Variants in RAVER2 observed in about 807,000 individuals in gnomAD.
RAVER2 encodes ribonucleoprotein PTB-binding 2.
Under a neutral mutation model 78.1 loss-of-function variants are expected in RAVER2, and 46 were observed. That is an observed-to-expected ratio of 0.59 (90% confidence interval 0.46 to 0.75). The LOEUF is 0.75. Ranked by LOEUF, RAVER2 falls within the 30% of genes least tolerant of loss-of-function variation. The pLI is 0.00. For missense variants in RAVER2, 793 were observed against 837.5 expected (o/e 0.95, Z 0.66); for synonymous variants, 311 against 313.3 (o/e 0.99, Z 0.08).
At chr1:64,755,213 C>T (rs1651818031) in intron 1 of RAVER2, among the ~76,000 whole-genome samples, 2 of 152,008 alleles carry the variant, frequency 1.3e-5, no homozygotes, top group Non-Finnish European at 2.9e-5. Flanking sequence ...CAATAAGTAT[C>T]CTGATTTCTT....
intron 2 of RAVER2, 100 bp downstream of exon 2, chr1:64,768,822 G>A: frequency 1.3e-6 from 1 of 749,258 alleles, no homozygotes; most frequent in African/African-American, 1.8e-5. Context: ...AGCTAATCAT[G>A]GAATTTTTAA....
At chr1:64,769,976 T>C (rs1183072014) in intron 2 of RAVER2, among the ~76,000 whole-genome samples, 1 of 152,042 alleles carries the variant, frequency 6.6e-6, no homozygotes, top group Admixed American at 6.6e-5. Flanking sequence ...CAACATTGTT[T>C]TTCAGATCTT....
chr1:64,745,912 G>A lies in RAVER2; in HGVS notation c.249+491G>A, dbSNP rs1194494504. On this transcript the variant is annotated intron_variant, in intron 1 of 11. Coordinates refer to ENST00000294428, the Ensembl canonical transcript of RAVER2. The surrounding 1 kb of genome is among the most constrained non-coding windows in gnomAD (Gnocchi z 4.3). ...AGAGCTGGGAGTGAGTTTCGCTGTT[G>A]TTGCAGAAGCACTTGCCCAAGTTTC... Among the ~76,000 whole-genome samples the A allele has an allele frequency of 6.6e-6, 1 of 152,202 alleles. No homozygotes were observed. The highest frequency in any genetic ancestry group is 1.5e-5 in the Non-Finnish European group (1 of 68,042).
At chr1:64,821,808 A>G (rs888578968) in intron 11 of RAVER2, among the ~76,000 whole-genome samples, 3 of 152,178 alleles carry the variant, frequency 2.0e-5, no homozygotes, top group Admixed American at 6.5e-5. Context: ...ACAAAATTAT[A>G]AAAACCCTGG....
chr1:64,823,437 T>C (rs1354812673), intron 11 of RAVER2, among the ~76,000 whole-genome samples: 1 of 152,212 alleles, frequency 6.6e-6, no homozygotes, highest in Non-Finnish European at 1.5e-5. Flanking sequence ...AAATAAATTA[T>C]TTAAAAATTT....
intron 9 of RAVER2, among the ~76,000 whole-genome samples, chr1:64,808,034 G>A (rs1653493346): frequency 1.3e-5 from 2 of 151,944 alleles, no homozygotes; most frequent in Non-Finnish European, 2.9e-5. Flanking sequence ...TATATATTTG[G>A]TAGCTAATTA....
chr1:64,809,489 A>AAAATAAATAAATAAATAAATAAATAAAT (rs10691863), intron 9 of RAVER2, among the ~76,000 whole-genome samples: 3 of 147,358 alleles, frequency 2.0e-5, no homozygotes, highest in Non-Finnish European at 4.5e-5. Flanking sequence ...CTCTAGTGCA[A>AAAATAAATAAATAAATAAATAAATAAAT]AAATAAATAA....
intron 5 of RAVER2, among the ~76,000 whole-genome samples, chr1:64,791,223 A>G (rs962339371): frequency 2.0e-5 from 3 of 152,136 alleles, no homozygotes; most frequent in African/African-American, 7.2e-5. Flanking sequence ...ATGTTTTCCA[A>G]CTGGGGATCT....
exon 8 of RAVER2, chr1:64,805,012 C>T: frequency 6.2e-7 from 1 of 1,613,782 alleles, no homozygotes; most frequent in South Asian, 1.1e-5. Context: ...ACTTGGAGAG[C>T]CCCCAGCTGT....
At chr1:64,831,843 T>A (rs886626259) in exon 12 of RAVER2, 1 of 152,234 alleles carries the variant, frequency 6.6e-6, no homozygotes, top group Non-Finnish European at 1.5e-5. Flanking sequence ...TATTGGGACG[T>A]TGCCATGCTC....
chr1:64,775,394 T>A (rs569385705), intron 2 of RAVER2, among the ~76,000 whole-genome samples: 1 of 152,202 alleles, frequency 6.6e-6, no homozygotes, highest in Non-Finnish European at 1.5e-5. Flanking sequence ...CCTATTAGAT[T>A]GTGAGCTCTG....
intron 4 of RAVER2, among the ~76,000 whole-genome samples, chr1:64,788,200 C>T (rs570842118): frequency 2.0e-5 from 3 of 152,072 alleles, no homozygotes; most frequent in Non-Finnish European, 4.4e-5. Context: ...GGGCTGGGCA[C>T]GGTGGCTTAT....
At chr1:64,811,128 C>CA (rs1242335238) in intron 9 of RAVER2, among the ~76,000 whole-genome samples, 3 of 152,060 alleles carry the variant, frequency 2.0e-5, no homozygotes, top group Admixed American at 6.5e-5. Flanking sequence ...CATTCACAGT[C>CA]AAAAGAAACG....
chr1:64,745,260 G>A lies in RAVER2; in HGVS notation c.88G>A (p.Gly30Arg). The A allele has an allele frequency of 7.9e-7, 1 of 1,260,852 alleles. No individual in the cohort carries two copies. The highest frequency in any genetic ancestry group is 1.0e-6 in the Non-Finnish European group (1 of 995,068). 78.1% of individuals were successfully genotyped at this position (1,260,852 alleles called of 1,614,324 possible). Residue 30 changes from glycine (G) to arginine (R), a missense_variant, in exon 1 of 12, where the codon GGG becomes AGG. By Grantham distance (125) the Gly-to-Arg change is moderately radical. Coordinates refer to ENST00000294428, the Ensembl canonical transcript of RAVER2. This position sits in a 1 kb window ranked among gnomAD's most constrained non-coding sequence, Gnocchi z 4.3. The stretch of plus-strand genomic sequence containing the variant: ...GCTGGGGCCGGGGCCGGGGCTGCGC[G>A]GGCAGGGCCCCTCAGCCGAAGCGCA...
At chr1:64,748,897 G>A (rs953813938) in intron 1 of RAVER2, among the ~76,000 whole-genome samples, 1 of 152,144 alleles carries the variant, frequency 6.6e-6, no homozygotes, top group Non-Finnish European at 1.5e-5. Context: ...GAGTGCGGTG[G>A]AACGATCACT....
intron 4 of RAVER2, among the ~76,000 whole-genome samples, chr1:64,781,881 A>G (rs1652640212): frequency 6.6e-6 from 1 of 152,062 alleles, no homozygotes; most frequent in Non-Finnish European, 1.5e-5. Context: ...TGAGTGTAAC[A>G]TGCCTCCTTT....
At chr1:64,798,031 T>C (rs1361194101) in intron 5 of RAVER2, among the ~76,000 whole-genome samples, 1 of 149,224 alleles carries the variant, frequency 6.7e-6, no homozygotes, top group African/African-American at 2.5e-5. Context: ...CACTAACTCG[T>C]CATCTAGCAT....
At chr1:64,770,198 T>G (rs951913805) in intron 2 of RAVER2, among the ~76,000 whole-genome samples, 1 of 152,022 alleles carries the variant, frequency 6.6e-6, no homozygotes, top group African/African-American at 2.4e-5. Context: ...CTCTGAGTCA[T>G]AGGTGTGCAC....
chr1:64,761,707 C>T (rs1020836794), intron 1 of RAVER2, among the ~76,000 whole-genome samples: 2 of 152,032 alleles, frequency 1.3e-5, no homozygotes, highest in African/African-American at 4.8e-5. Context: ...TAACACAATA[C>T]ACCTAGATAA....
Sources: gnomAD v4.1 joint callset for allele counts (sites outside exome capture counted in the v4.1 genomes callset) on GRCh38, gnomAD v4.1.1 for gene constraint, Gnocchi (gnomAD v3.1) non-coding constraint, MANE v1.5 for transcripts, NCBI Gene and HGNC (gene_info 2026-07-23, HGNC 2026-07-21) for gene names.